PLEKHH1: variants seen among roughly 807,000 people sequenced by gnomAD.
The protein encoded by PLEKHH1 is pleckstrin homology domain-containing family H member 1.
Under a neutral mutation model 160.0 loss-of-function variants are expected in PLEKHH1, and 104 were observed. That is an observed-to-expected ratio of 0.65 (90% confidence interval 0.55 to 0.76). The LOEUF (loss-of-function observed/expected upper bound fraction) is 0.76. Among genes scored for constraint, PLEKHH1 ranks in the 30% least tolerant of loss-of-function variants. PLEKHH1 has a pLI of 0.00. For missense variants in PLEKHH1, 1,427 were observed against 1,724.1 expected (o/e 0.83, Z 3.05); for synonymous variants, 619 against 678.4 (o/e 0.91, Z 1.36).
At chr14:67,534,450 G>C (rs929321957) in intron 1 of PLEKHH1, among the ~76,000 whole-genome samples, 11 of 152,146 alleles carry the variant, frequency 7.2e-5, no homozygotes, top group African/African-American at 2.7e-4. Flanking sequence ...GCTGGGTGTG[G>C]TGGTGTGGGC....
chr14:67,571,482 G>A lies in PLEKHH1; in HGVS notation c.1435-270G>A, dbSNP rs371381420. On this transcript the variant is annotated intron_variant, in intron 9 of 28. Transcript: ENST00000329153. Reference sequence around the variant, plus strand: ...TTCTGGCCCCCTAGTGGCAAGGAGCGAGGGTCACAGTGGGCAGGCATTCAG... The same window carrying A: ...TTCTGGCCCCCTAGTGGCAAGGAGCAAGGGTCACAGTGGGCAGGCATTCAG... 137 of 382,242 alleles carry A rather than the reference G, an allele frequency of 3.6e-4. 2 individuals are homozygous for A. The Middle Eastern group carries it at 7.8e-3, about 22-fold the overall frequency. 23.7% of individuals were successfully genotyped at this position (382,242 alleles called of 1,614,324 possible). A position where few individuals can be genotyped will look rare whatever the true frequency, so the allele number is the denominator to read the frequency against.
chr14:67,587,783 G>A lies in PLEKHH1; in HGVS notation c.*548G>A, dbSNP rs2036238038. ...GGCTGGTCTCGAACTCCTGACCTCAGGTGATCTGCCCACTTTGGCCTCCCA... is the reference window on the plus strand; with the variant it reads ...GGCTGGTCTCGAACTCCTGACCTCAAGTGATCTGCCCACTTTGGCCTCCCA... On this transcript the variant is annotated 3_prime_UTR_variant, in exon 29 of 29. Coordinates refer to ENST00000329153, the MANE Select transcript of PLEKHH1 (RefSeq NM_020715.3). 1 of 158,578 alleles carries A rather than the reference G, an allele frequency of 6.3e-6. No individual in the cohort carries two copies. Among genetic ancestry groups the A allele is most frequent in the Non-Finnish European group, 1.4e-5 (1 of 72,236 alleles). The allele number at this position is 158,578 out of a possible 1,614,324, so 9.8% of individuals were successfully genotyped here. A position where few individuals can be genotyped will look rare whatever the true frequency, so the allele number is the denominator to read the frequency against.
intron 2 of PLEKHH1, among the ~76,000 whole-genome samples, chr14:67,547,714 G>A (rs934118125): frequency 8.5e-5 from 13 of 152,204 alleles, no homozygotes; most frequent in African/African-American, 2.9e-4. Flanking sequence ...TGTGGGCTGC[G>A]GAGGCTTGGA....
At chr14:67,555,764 G>C in intron 2 of PLEKHH1, 61 bp from the exon 3 acceptor site, 1 of 1,595,490 alleles carries the variant, frequency 6.3e-7, no homozygotes, top group Non-Finnish European at 8.5e-7. Flanking sequence ...AAGTGGCCTT[G>C]ATGCCGTGTT....
In PLEKHH1 at chr14:67,584,076, C is replaced by T. The variant is rs749453340; in HGVS notation, c.3651C>T (p.Thr1217=). ...SPPECIRIYL[T]VARKWPFFGA... ...CTGAGTGCATCCGCATCTACCTGACCGTGGCCAGGAAATGGCCTTTCTTTG... is the reference window on the plus strand; with the variant it reads ...CTGAGTGCATCCGCATCTACCTGACTGTGGCCAGGAAATGGCCTTTCTTTG... Residue 1217 remains threonine, a synonymous_variant, in exon 26 of 29, where the codon ACC becomes ACT. Transcript: ENST00000329153. The T allele has an allele frequency of 4.4e-5, 71 of 1,613,850 alleles. No individual in the cohort carries two copies. The highest frequency in any genetic ancestry group is 1.6e-4 in the South Asian group (15 of 91,080).
intron 2 of PLEKHH1, among the ~76,000 whole-genome samples, chr14:67,553,766 A>G (rs2034488978): frequency 1.3e-5 from 2 of 152,334 alleles, no homozygotes; most frequent in South Asian, 4.1e-4. Context: ...AACTGTGTGA[A>G]GGTCAAGGAA....
Position 67,573,826 on chromosome 14 carries a change from G to T in PLEKHH1, c.1865G>T (p.Gly622Val), listed in dbSNP as rs979127014. The T allele has an allele frequency of 3.0e-5, 49 of 1,613,490 alleles. No homozygotes were observed. The highest frequency in any genetic ancestry group is 4.1e-5 in the Non-Finnish European group (48 of 1,179,430). ...AGTGATGTCATCCGGAAACCTCAAG[G>T]CCAAGTGGATCTGAACTCCCGCTGC... is the stretch of plus-strand genomic sequence containing the variant. ...SPSDVIRKPQ[G>V]QVDLNSRCQI... The change falls in exon 13 of 29, where the codon GGC (glycine) becomes GTC (valine). Residue 622 changes from glycine to valine, a missense_variant. Physicochemically the swap from Gly to Val is moderately radical, Grantham distance 109. Transcript: ENST00000329153. This position sits in a 1 kb window ranked among gnomAD's most constrained non-coding sequence, Gnocchi z 4.8.
intron 4 of PLEKHH1, among the ~76,000 whole-genome samples, chr14:67,558,119 C>G (rs997590852): frequency 3.9e-5 from 6 of 152,214 alleles, no homozygotes; most frequent in African/African-American, 1.4e-4. Flanking sequence ...CATCTACCTG[C>G]CAGTTCCTGT....
At chr14:67,546,503 G>A (rs2034187321) in intron 2 of PLEKHH1, among the ~76,000 whole-genome samples, 1 of 152,160 alleles carries the variant, frequency 6.6e-6, no homozygotes, top group Non-Finnish European at 1.5e-5. Context: ...CGATTCTCCT[G>A]CCTTAGCCTC....
chr14:67,560,691 G>A (rs915575462), intron 5 of PLEKHH1, among the ~76,000 whole-genome samples: 1 of 151,262 alleles, frequency 6.6e-6, no homozygotes, highest in Non-Finnish European at 1.5e-5. Flanking sequence ...AATAAAAGGA[G>A]TGGGAATTGC....
rs2034643727 is a variant in PLEKHH1, at chr14:67,557,514, C to G, written c.339+96C>G. The G allele has an allele frequency of 4.4e-6, 5 of 1,148,744 alleles. No homozygotes were observed. The South Asian group carries it at 7.4e-5, about 17-fold the overall frequency. The allele number at this position is 1,148,744 out of a possible 1,614,324, so 71.2% of individuals were successfully genotyped here. On this transcript the variant is annotated intron_variant, in intron 4 of 28. Coordinates refer to ENST00000329153, the MANE Select transcript of PLEKHH1 (RefSeq NM_020715.3). Reference sequence around the variant, plus strand: ...GCTGTTCCGCTCAAGCCCTCTAGTGCTGGGGAACTCGCTCCCTCCTGAGCC... The same window carrying G: ...GCTGTTCCGCTCAAGCCCTCTAGTGGTGGGGAACTCGCTCCCTCCTGAGCC...
At chr14:67,537,379 T>A (rs532180537) in intron 1 of PLEKHH1, among the ~76,000 whole-genome samples, 1 of 141,566 alleles carries the variant, frequency 7.1e-6, no homozygotes, top group Admixed American at 7.0e-5. Context: ...ATAATAATAA[T>A]AAAAACTTAA....
At chr14:67,566,667 G>T (rs1286871411) in intron 7 of PLEKHH1, among the ~76,000 whole-genome samples, 1 of 151,560 alleles carries the variant, frequency 6.6e-6, no homozygotes, top group African/African-American at 2.4e-5. Flanking sequence ...AGTTAAGTTT[G>T]AGCCCAGGGA....
In PLEKHH1 at chr14:67,582,253, T is replaced by C; in HGVS notation, c.3426+43T>C. On this transcript the variant is annotated intron_variant, in intron 24 of 28. Transcript: ENST00000329153. This position sits in a 1 kb window ranked among gnomAD's most constrained non-coding sequence, Gnocchi z 5.0. Reference sequence around the variant, plus strand: ...AAGCAGGAGGGTCGGGTTGCCAGCTTAGAATGAATGCACCATGCAGCCTGA... The same window carrying C: ...AAGCAGGAGGGTCGGGTTGCCAGCTCAGAATGAATGCACCATGCAGCCTGA... The C allele has an allele frequency of 2.5e-6, 4 of 1,612,618 alleles. No individual in the cohort carries two copies. The highest frequency in any genetic ancestry group is 3.4e-6 in the Non-Finnish European group (4 of 1,179,716).
chr14:67,583,362 G>A (rs1206528066), intron 24 of PLEKHH1, among the ~76,000 whole-genome samples: 1 of 152,084 alleles, frequency 6.6e-6, no homozygotes, highest in Non-Finnish European at 1.5e-5. Context: ...AACTCCAAAG[G>A]CCACATTTGG....
chr14:67,559,869 G>C (rs1018149769), intron 5 of PLEKHH1, among the ~76,000 whole-genome samples, 178 bp downstream of exon 5: 2 of 152,044 alleles, frequency 1.3e-5, no homozygotes, highest in Non-Finnish European at 2.9e-5. Context: ...CTTTCCTTTT[G>C]TCTTGGTTGG....
chr14:67,571,796 T>G lies in PLEKHH1; in HGVS notation c.1479T>G (p.Ser493=). 1.9e-6 allele frequency: 3 copies of G among 1,613,894 alleles called. No homozygotes were observed. The South Asian group carries it at 3.3e-5, about 18-fold the overall frequency. The stretch of plus-strand genomic sequence containing the variant: ...ACATGCCCTTTATGGACGAGTCCTC[T>G]GGGTCTGACGATGACTGCAGCTCTC... The part of the protein sequence containing the change: ...ISNMPFMDES[S]GSDDDCSSQA... The change falls in exon 10 of 29, where the codon TCT becomes TCG. Residue 493 remains serine (S), a synonymous_variant. Coordinates refer to ENST00000329153, the MANE Select transcript of PLEKHH1 (RefSeq NM_020715.3).
intron 28 of PLEKHH1, chr14:67,586,584 G>A (rs550384050): frequency 3.2e-4 from 156 of 488,914 alleles, no homozygotes; most frequent in South Asian, 1.5e-4. Context: ...TAGTGACTTT[G>A]TTCCTACTCA....
At chr14:67,560,727 C>CTT (rs11433194) in intron 5 of PLEKHH1, among the ~76,000 whole-genome samples, 1,969 of 126,372 alleles carry the variant, frequency 0.016, 53 homozygotes, top group African/African-American at 0.037. Flanking sequence ...GAACATATAT[C>CTT]TTTTTTTTTT....
Sources: allele counts gnomAD v4.1 joint callset (sites outside exome capture counted in the v4.1 genomes callset), GRCh38; gene constraint gnomAD v4.1.1; non-coding constraint Gnocchi (gnomAD v3.1); transcripts MANE v1.5; gene names NCBI Gene and HGNC (gene_info 2026-07-23, HGNC 2026-07-21).